ARHGAP42: variants seen among roughly 807,000 people sequenced by gnomAD.
The protein encoded by ARHGAP42 is rho GTPase-activating protein 42.
ARHGAP42 carries 63 observed loss-of-function variants against 125.0 expected under a neutral mutation model. The observed-to-expected ratio is 0.50, with a 90% CI of 0.41 to 0.62. ARHGAP42 has a LOEUF of 0.62. Among genes scored for constraint, ARHGAP42 ranks in the 20% least tolerant of loss-of-function variants. ARHGAP42 has a pLI of 0.00. For missense variants in ARHGAP42, 766 were observed against 1,024.2 expected (o/e 0.75, Z 3.44); for synonymous variants, 339 against 351.0 (o/e 0.97, Z 0.38).
intron 1 of ARHGAP42, among the ~76,000 whole-genome samples, chr11:100,733,488 C>G (rs1035125028): frequency 6.6e-6 from 1 of 152,120 alleles, no homozygotes; most frequent in Non-Finnish European, 1.5e-5. Flanking sequence ...AGATGTAGAA[C>G]AAAGTTCCTT....
At chr11:100,688,046 C>T (rs961827165) in intron 1 of ARHGAP42, 1 of 428,164 alleles carries the variant, frequency 2.3e-6, no homozygotes. Flanking sequence ...AAGTTCTCTA[C>T]AGGGCACTGG....
chr11:100,916,232 T>C (rs1867060021), intron 5 of ARHGAP42, among the ~76,000 whole-genome samples: 1 of 152,224 alleles, frequency 6.6e-6, no homozygotes, highest in Non-Finnish European at 1.5e-5. Context: ...GTAATATTTG[T>C]TATGTGAATA....
chr11:100,837,441 G>T (rs1472694208), intron 3 of ARHGAP42, among the ~76,000 whole-genome samples: 2 of 151,928 alleles, frequency 1.3e-5, no homozygotes, highest in African/African-American at 2.4e-5. Context: ...TCACACAAAA[G>T]AATTTGGAAA....
At chr11:100,804,540 T>C (rs1863943453) in intron 3 of ARHGAP42, among the ~76,000 whole-genome samples, 1 of 150,768 alleles carries the variant, frequency 6.6e-6, no homozygotes, top group Non-Finnish European at 1.5e-5. Context: ...TATTTTTTAA[T>C]TTTTAAATTT....
rs998397516 is a variant in ARHGAP42 at position 100,992,542 on chromosome 11, C to T, written c.*3741C>T. 1 of 1,613,980 alleles carries T rather than the reference C, an allele frequency of 6.2e-7. No individual in the cohort carries two copies. Among genetic ancestry groups the T allele is most frequent in the African/African-American group, 1.3e-5 (1 of 74,920 alleles). ...TGAACATTCTGTGTCCTGCCTGTCT[C>T]CTGTTGATTCGCAGATGTAATATCG... On this transcript the variant is annotated 3_prime_UTR_variant, in exon 24 of 24. Coordinates refer to ENST00000298815, the MANE Select transcript of ARHGAP42 (RefSeq NM_152432.4).
intron 2 of ARHGAP42, among the ~76,000 whole-genome samples, chr11:100,792,815 C>T (rs11224451): frequency 0.074 from 11,089 of 150,782 alleles, 531 homozygotes; most frequent in Middle Eastern, 0.11. Flanking sequence ...TGCAGTGGCA[C>T]GATCTCGGCT....
At chr11:100,695,172 G>C (rs60686999) in intron 1 of ARHGAP42, among the ~76,000 whole-genome samples, 4 of 152,182 alleles carry the variant, frequency 2.6e-5, no homozygotes, top group Non-Finnish European at 5.9e-5. Context: ...CATAACATTT[G>C]TTCACCTTAA....
At chr11:100,708,485 G>A (rs1010771469) in intron 1 of ARHGAP42, among the ~76,000 whole-genome samples, 6 of 152,136 alleles carry the variant, frequency 3.9e-5, no homozygotes, top group African/African-American at 1.4e-4. Flanking sequence ...GCACACTCTA[G>A]CTTGAGTGAC....
intron 4 of ARHGAP42, among the ~76,000 whole-genome samples, chr11:100,863,379 G>C (rs772021601): frequency 6.6e-6 from 1 of 152,164 alleles, no homozygotes; most frequent in African/African-American, 2.4e-5. Flanking sequence ...CTTCAGCTTG[G>C]TCCACACAGG....
At chr11:100,973,115 G>T (rs1858296249) in intron 17 of ARHGAP42, 60 bp from the exon 18 acceptor site, 1 of 1,381,932 alleles carries the variant, frequency 7.2e-7, no homozygotes, top group South Asian at 1.5e-5. Flanking sequence ...TGATAGAAGA[G>T]ACTATTTCAT....
At chr11:100,877,735 G>A (rs753908231) in intron 4 of ARHGAP42, among the ~76,000 whole-genome samples, 10 of 152,168 alleles carry the variant, frequency 6.6e-5, no homozygotes, top group African/African-American at 1.7e-4. Context: ...GGGTGGGCGC[G>A]GTGGCTCACG....
intron 1 of ARHGAP42, among the ~76,000 whole-genome samples, chr11:100,723,171 A>G (rs1861796006): frequency 6.6e-6 from 1 of 152,124 alleles, no homozygotes; most frequent in Non-Finnish European, 1.5e-5. Flanking sequence ...ATATCACACA[A>G]TCTTGAGTAC....
intron 17 of ARHGAP42, among the ~76,000 whole-genome samples, chr11:100,968,094 A>G (rs1479909410): frequency 6.6e-6 from 1 of 152,140 alleles, no homozygotes; most frequent in East Asian, 1.9e-4. Flanking sequence ...TCTATTTTGT[A>G]TGATATTGGT....
chr11:100,713,680 A>C (rs1257486378), intron 1 of ARHGAP42, among the ~76,000 whole-genome samples: 1 of 152,222 alleles, frequency 6.6e-6, no homozygotes, highest in African/African-American at 2.4e-5. Flanking sequence ...AATACATGGA[A>C]ATTTTAAGGT....
chr11:100,978,874 G>A, intron 21 of ARHGAP42, 113 bp from the exon 22 acceptor site: 1 of 987,878 alleles, frequency 1.0e-6, no homozygotes, highest in Non-Finnish European at 1.5e-6. Flanking sequence ...TCTAATTTTG[G>A]CAATGGTTCT....
rs200158481 is a variant in ARHGAP42 at position 100,770,858 on chromosome 11, C to T, written c.250+420C>T. On this transcript the variant is annotated intron_variant, in intron 2 of 23. Transcript: ENST00000298815. ...CCTCCCAAAGTGTTGGGATTACTGG[C>T]GTGAGCCACTGCGCTTGGCCTAAAG... Among the ~76,000 whole-genome samples the T allele has an allele frequency of 3.3e-5, 5 of 152,206 alleles. No individual in the cohort carries two copies. In the East Asian group the frequency reaches 7.7e-4, roughly 23 times the overall value.
chr11:100,929,084 C>T (rs979433180), intron 6 of ARHGAP42, among the ~76,000 whole-genome samples: 2 of 152,122 alleles, frequency 1.3e-5, no homozygotes, highest in African/African-American at 4.8e-5. Flanking sequence ...TTTTTGGCAC[C>T]AGAGACCAGT....
intron 3 of ARHGAP42, among the ~76,000 whole-genome samples, chr11:100,846,196 T>G (rs910879276): frequency 2.0e-5 from 3 of 152,186 alleles, no homozygotes; most frequent in African/African-American, 7.2e-5. Context: ...TTGGCATGCT[T>G]AAGTAGAAGG....
intron 3 of ARHGAP42, among the ~76,000 whole-genome samples, chr11:100,815,053 A>C (rs1864234132): frequency 6.6e-6 from 1 of 152,216 alleles, no homozygotes; most frequent in South Asian, 2.1e-4. Flanking sequence ...TATGGTGTCC[A>C]GTACTTTTTC....
Sources: allele counts gnomAD v4.1 joint callset (sites outside exome capture counted in the v4.1 genomes callset), GRCh38; gene constraint gnomAD v4.1.1; transcripts MANE v1.5; gene names NCBI Gene and HGNC (gene_info 2026-07-23, HGNC 2026-07-21).